Variants in WAPL observed in about 807,000 individuals in gnomAD.
WAPL encodes the protein wings apart-like protein homolog.
Under a neutral mutation model 121.0 loss-of-function variants are expected in WAPL, and 5 were observed. That is an observed-to-expected ratio of 0.04 (90% CI 0.02 to 0.09). The LOEUF (loss-of-function observed/expected upper bound fraction) is 0.09, where lower values mean the gene tolerates loss of function less well. WAPL is among the 10% of genes least tolerant of loss of function. The probability of loss-of-function intolerance (pLI) is 1.00; values close to 1 mark genes in which losing one functional copy is unlikely to be tolerated. For synonymous variants in WAPL, 480 were observed against 481.5 expected, an observed-to-expected ratio of 1.00 and a Z score of 0.04; for missense variants, 999 against 1,410.8, an observed-to-expected ratio of 0.71 and a Z score of 4.68.
At chr10:86,461,893 T>C (rs1222770422) in intron 9 of WAPL, among the ~76,000 whole-genome samples, 1 of 152,228 alleles carries the variant, frequency 6.6e-6, no homozygotes, top group Non-Finnish European at 1.5e-5. Flanking sequence ...ATTTGGTGTA[T>C]TTTGTCTATT....
intron 16 of WAPL, among the ~76,000 whole-genome samples, chr10:86,445,827 T>C (rs1334231037): frequency 1.3e-5 from 2 of 152,192 alleles, no homozygotes; most frequent in East Asian, 3.8e-4. Flanking sequence ...GTATATTTCT[T>C]ACTGTGTTTA....
intron 12 of WAPL, among the ~76,000 whole-genome samples, chr10:86,455,984 T>C (rs986763034): frequency 2.6e-5 from 4 of 152,250 alleles, no homozygotes; most frequent in South Asian, 4.1e-4. Context: ...GCAAGAGAAA[T>C]TGGATTTACT....
At position 86,521,712 on chromosome 10, in the gene WAPL, G is replaced by C; in HGVS notation, c.-370C>G. On this transcript the variant is annotated 5_prime_UTR_variant, in exon 1 of 19. Transcript: ENST00000298767. ...CGGTGAATGGTCAGTGCTGGAGTTT[G>C]AACAGGGCCCTGAACCATCTCAACG... 2.2e-6 allele frequency: 1 copy of C among 463,948 alleles called. No individual in the cohort carries two copies. The allele number at this position is 463,948 out of a possible 1,614,324, so 28.7% of individuals were successfully genotyped here.
chr10:86,491,277 C>A (rs1428653269), intron 4 of WAPL, among the ~76,000 whole-genome samples: 3 of 150,726 alleles, frequency 2.0e-5, no homozygotes, highest in Non-Finnish European at 4.4e-5. Flanking sequence ...GTAGCTGGGA[C>A]CACAGGCGCC....
intron 17 of WAPL, among the ~76,000 whole-genome samples, chr10:86,438,426 G>C (rs1048846564): frequency 1.3e-5 from 2 of 152,152 alleles, no homozygotes; most frequent in Non-Finnish European, 2.9e-5. Context: ...GCTAATTTTT[G>C]TATTTTTAGC....
At chr10:86,508,246 T>C (rs1340671551) in intron 2 of WAPL, among the ~76,000 whole-genome samples, 1 of 152,142 alleles carries the variant, frequency 6.6e-6, no homozygotes, top group Non-Finnish European at 1.5e-5. Flanking sequence ...TCTTTGTCCC[T>C]TTCAGTAATA....
intron 11 of WAPL, among the ~76,000 whole-genome samples, chr10:86,459,732 A>G (rs1400674658): frequency 6.6e-6 from 1 of 152,250 alleles, no homozygotes; most frequent in African/African-American, 2.4e-5. Flanking sequence ...AATGCTAATA[A>G]CAATTTAAAA....
At chr10:86,509,765 G>GT (rs11307100) in intron 2 of WAPL, among the ~76,000 whole-genome samples, 160 of 117,642 alleles carry the variant, frequency 1.4e-3, no homozygotes, top group Non-Finnish European at 2.2e-3. Context: ...AAGCTCTTTG[G>GT]TTTTTTTTTT....
rs141161532 is a variant in WAPL at position 86,453,304 on chromosome 10, G to A, written c.2865C>T (p.Asp955=). The change falls in exon 14 of 19, where the codon GAC becomes GAT. Residue 955 remains aspartate, a synonymous_variant. Coordinates refer to ENST00000298767, the MANE Select transcript of WAPL (RefSeq NM_015045.5). ...EWGSTKTGEQ[D]GLIGTALNCV... ...AGTTCAGCGCTGTGCCTATGAGACC[G>A]TCCTGCTCTCCTGTTTTGGTGCTGC... The A allele has an allele frequency of 5.9e-4, 953 of 1,614,096 alleles. 5 individuals carry two copies. The African/African-American group carries it at 0.011, about 19-fold the overall frequency.
At chr10:86,492,233 GGAA>G (rs746074981) in intron 4 of WAPL, among the ~76,000 whole-genome samples, 33 of 152,132 alleles carry the variant, frequency 2.2e-4, no homozygotes, top group Middle Eastern at 3.4e-3. Flanking sequence ...GAAGGAGAGG[GGAA>G]GAAGGAGAGA....
chr10:86,497,319 T>G lies in WAPL; in HGVS notation c.1526A>C (p.Glu509Ala), dbSNP rs201540036. ...CAAGTCCTCTGTAAAATCCAAGTTTTCTGAAATGGTAATCAAAACTATCTA... is the reference window on the plus strand; with the variant it reads ...CAAGTCCTCTGTAAAATCCAAGTTTGCTGAAATGGTAATCAAAACTATCTA... ...QDSQSGTNNA[E>A]NLDFTEDLPG... is the part of the protein sequence containing the mutation. Residue 509 changes from glutamate to alanine, a missense_variant and splice_region_variant, in exon 4 of 19, where the codon GAA (glutamate) becomes GCA (alanine). Physicochemically the swap from Glu to Ala is moderately radical, Grantham distance 107 (BLOSUM62 -1). Transcript: ENST00000298767. The G allele has an allele frequency of 3.1e-6, 5 of 1,603,440 alleles. No homozygotes were observed. The highest frequency in any genetic ancestry group is 1.7e-5 in the Admixed American group (1 of 57,528).
At chr10:86,497,795 C>T (rs925721405) in intron 3 of WAPL, among the ~76,000 whole-genome samples, 1 of 152,128 alleles carries the variant, frequency 6.6e-6, no homozygotes, top group Non-Finnish European at 1.5e-5. Context: ...ATTTAAAACA[C>T]CAGAAAAGGA....
At chr10:86,462,046 G>A (rs1393660102) in intron 9 of WAPL, among the ~76,000 whole-genome samples, 1 of 152,156 alleles carries the variant, frequency 6.6e-6, no homozygotes, top group African/African-American at 2.4e-5. Flanking sequence ...ACCACCACCA[G>A]AAGAGTACAA....
intron 9 of WAPL, among the ~76,000 whole-genome samples, chr10:86,465,284 C>T (rs1841372467): frequency 2.0e-5 from 3 of 152,232 alleles, no homozygotes; most frequent in South Asian, 4.2e-4. Context: ...ACCTCCGCCT[C>T]GCCTCCTAGG....
At chr10:86,468,354 T>C (rs549804641) in intron 8 of WAPL, among the ~76,000 whole-genome samples, 10 of 152,020 alleles carry the variant, frequency 6.6e-5, no homozygotes, top group Non-Finnish European at 1.0e-4. Flanking sequence ...GGCGCCACCA[T>C]GCCCAGCTGA....
At chr10:86,473,056 AG>A (rs1382042826) in intron 5 of WAPL, among the ~76,000 whole-genome samples, 1 of 152,210 alleles carries the variant, frequency 6.6e-6, no homozygotes, top group East Asian at 1.9e-4. Flanking sequence ...GAAAGACTAA[AG>A]AACCACAACT....
intron 4 of WAPL, among the ~76,000 whole-genome samples, chr10:86,495,798 A>G (rs558291246): frequency 6.6e-6 from 1 of 152,298 alleles, no homozygotes; most frequent in East Asian, 1.9e-4. Flanking sequence ...ACAACTCAAT[A>G]AAAACAAAAA....
chr10:86,457,201 A>G (rs1186724634), intron 12 of WAPL, among the ~76,000 whole-genome samples: 1 of 152,150 alleles, frequency 6.6e-6, no homozygotes, highest in African/African-American at 2.4e-5. Context: ...TAAGAGCACT[A>G]AATACAGGCA....
intron 4 of WAPL, among the ~76,000 whole-genome samples, chr10:86,480,743 T>TG (rs1192314050): frequency 6.6e-6 from 1 of 151,844 alleles, no homozygotes; most frequent in Non-Finnish European, 1.5e-5. Flanking sequence ...TCTTGATGCT[T>TG]GCATGGGCAT....
Sources: allele counts gnomAD v4.1 joint callset (sites outside exome capture counted in the v4.1 genomes callset), GRCh38; gene constraint gnomAD v4.1.1; transcripts MANE v1.5; gene names NCBI Gene and HGNC (gene_info 2026-07-23, HGNC 2026-07-21).